Variants in DPP10 observed in about 807,000 individuals in gnomAD.
The protein encoded by DPP10 is inactive dipeptidyl peptidase 10.
Under a neutral mutation model 120.9 loss-of-function variants are expected in DPP10, and 33 were observed. The ratio of observed to expected loss-of-function variants is 0.27; its 90% CI spans 0.21 to 0.37. The LOEUF is 0.37. Among genes scored for constraint, DPP10 ranks in the 10% least tolerant of loss-of-function variants. The pLI is 1.00. For synonymous variants in DPP10, 337 were observed against 326.1 expected (o/e 1.03, Z -0.36); for missense variants, 816 against 942.8 (o/e 0.87, Z 1.76).
intron 1 of DPP10, among the ~76,000 whole-genome samples, chr2:114,986,931 C>T (rs1156585180): frequency 6.6e-6 from 1 of 152,058 alleles, no homozygotes; most frequent in East Asian, 1.9e-4. Context: ...ACCACCATGA[C>T]TGGCTAATTT....
At chr2:114,866,305 T>G (rs550028633) in intron 1 of DPP10, among the ~76,000 whole-genome samples, 1 of 152,144 alleles carries the variant, frequency 6.6e-6, no homozygotes, top group African/African-American at 2.4e-5. Flanking sequence ...TATTGAGATC[T>G]TGAGCTAGGC....
rs1017241336 is a variant in DPP10 at position 115,002,121 on chromosome 2, C to T, written c.61-307118C>T. On this transcript the variant is annotated intron_variant, in intron 1 of 25. Coordinates refer to ENST00000410059, the MANE Select transcript of DPP10 (RefSeq NM_020868.6). Reference sequence around the variant, plus strand: ...GAGCTGGAGGCATCATGTCACCTGACTTCAAACTATACTACAATGGTATAG... The same window carrying T: ...GAGCTGGAGGCATCATGTCACCTGATTTCAAACTATACTACAATGGTATAG... Among the ~76,000 whole-genome samples, 4 of 152,146 alleles carry T rather than the reference C, an allele frequency of 2.6e-5. No individual in the cohort carries two copies. In the East Asian group the frequency reaches 7.7e-4, roughly 29 times the overall value.
At chr2:115,607,120 A>G (rs1437762143) in intron 5 of DPP10, among the ~76,000 whole-genome samples, 2 of 152,226 alleles carry the variant, frequency 1.3e-5, no homozygotes, top group African/African-American at 4.8e-5. Flanking sequence ...AAATGATGTC[A>G]GCCTGCATGA....
At chr2:115,238,020 C>G (rs1200180965) in intron 1 of DPP10, among the ~76,000 whole-genome samples, 1 of 152,166 alleles carries the variant, frequency 6.6e-6, no homozygotes, top group Admixed American at 6.6e-5. Context: ...CACTAGACAA[C>G]AAATTTTCAG....
intron 8 of DPP10, among the ~76,000 whole-genome samples, chr2:115,732,554 A>AC (rs2092936290): frequency 6.6e-6 from 1 of 152,192 alleles, no homozygotes; most frequent in Admixed American, 6.6e-5. Flanking sequence ...TATTCACTTA[A>AC]ATTGCTGTAT....
rs546468604 is a variant in DPP10 at position 115,084,519 on chromosome 2, T to G, written c.61-224720T>G. Among the ~76,000 whole-genome samples, 6 of 152,350 alleles carry G rather than the reference T, an allele frequency of 3.9e-5. No homozygotes were observed. The South Asian group carries it at 1.0e-3, about 26-fold the overall frequency. The stretch of plus-strand genomic sequence containing the variant: ...TTCCAGTTCTGCCTGGTACTATGAT[T>G]GCAGTGCCTAAGCAGCTTGAATTTC... On this transcript the variant is annotated intron_variant, in intron 1 of 25. Transcript: ENST00000410059.
intron 2 of DPP10, among the ~76,000 whole-genome samples, chr2:115,329,384 A>G (rs933339467): frequency 2.0e-5 from 3 of 152,052 alleles, no homozygotes; most frequent in Non-Finnish European, 4.4e-5. Context: ...AGGAGTATGT[A>G]TTATTAGGCT....
intron 5 of DPP10, among the ~76,000 whole-genome samples, chr2:115,548,409 AGGAGGTG>A: frequency 7.1e-6 from 1 of 141,466 alleles, no homozygotes; most frequent in East Asian, 3.3e-4. Context: ...ACATGCATGG[AGGAGGTG>A]ATAGTATTAA....
intron 11 of DPP10, among the ~76,000 whole-genome samples, chr2:115,755,824 T>G (rs2149763799): frequency 6.6e-6 from 1 of 152,106 alleles, no homozygotes; most frequent in African/African-American, 2.4e-5. Context: ...GTGCTCATAA[T>G]AGTAGGGATG....
intron 1 of DPP10, among the ~76,000 whole-genome samples, chr2:114,713,561 G>A (rs1391941102): frequency 6.6e-6 from 1 of 152,142 alleles, no homozygotes; most frequent in Non-Finnish European, 1.5e-5. Flanking sequence ...AATACTTTGA[G>A]CAGTATGTCA....
At chr2:114,581,472 C>T (rs757465905) in intron 1 of DPP10, among the ~76,000 whole-genome samples, 41 of 152,040 alleles carry the variant, frequency 2.7e-4, no homozygotes, top group Non-Finnish European at 5.4e-4. Context: ...CATGAGCCAC[C>T]ACGCCCAGCC....
chr2:115,250,363 A>C (rs2058704317), intron 1 of DPP10, among the ~76,000 whole-genome samples: 1 of 152,228 alleles, frequency 6.6e-6, no homozygotes, highest in South Asian at 2.1e-4. Context: ...CTTTAGTCGC[A>C]GAAGTTAAAA....
intron 1 of DPP10, among the ~76,000 whole-genome samples, chr2:114,958,275 A>G (rs1416997463): frequency 6.6e-6 from 1 of 152,162 alleles, no homozygotes; most frequent in Non-Finnish European, 1.5e-5. Context: ...ATTGGCCAAG[A>G]CGCAGTATTG....
intron 5 of DPP10, among the ~76,000 whole-genome samples, chr2:115,660,655 C>CTTTTTTTTTTTTTT: frequency 1.2e-4 from 3 of 25,322 alleles, no homozygotes; most frequent in East Asian, 2.4e-3. Context: ...CTCTGTCTGG[C>CTTTTTTTTTTTTTT]TTTTTTTTTT....
At chr2:114,790,368 CAT>C (rs1384482873) in intron 1 of DPP10, among the ~76,000 whole-genome samples, 1 of 152,134 alleles carries the variant, frequency 6.6e-6, no homozygotes, top group Non-Finnish European at 1.5e-5. Flanking sequence ...TTTACTGTAA[CAT>C]ATATTTATCA....
chr2:115,202,452 T>C (rs1670283232), intron 1 of DPP10, among the ~76,000 whole-genome samples: 1 of 152,210 alleles, frequency 6.6e-6, no homozygotes, highest in African/African-American at 2.4e-5. Flanking sequence ...CTAATTCAGC[T>C]TCTTATTGAG....
intron 1 of DPP10, among the ~76,000 whole-genome samples, chr2:115,242,191 A>G (rs993907664): frequency 2.0e-5 from 3 of 152,094 alleles, no homozygotes; most frequent in Admixed American, 6.6e-5. Flanking sequence ...AGTCCATTGT[A>G]TCATTCTTAT....
intron 1 of DPP10, among the ~76,000 whole-genome samples, chr2:114,751,884 T>C (rs1357624689): frequency 6.6e-6 from 1 of 152,236 alleles, no homozygotes; most frequent in Admixed American, 6.5e-5. Flanking sequence ...TTTAATGTGC[T>C]TACCAGTCGC....
chr2:114,923,619 C>T (rs1397186465), intron 1 of DPP10, among the ~76,000 whole-genome samples: 2 of 151,548 alleles, frequency 1.3e-5, no homozygotes, highest in East Asian at 2.0e-4. Flanking sequence ...GCTAGGACTA[C>T]AGGCGCCCGC....
Sources: gnomAD v4.1 joint callset for allele counts (sites outside exome capture counted in the v4.1 genomes callset) on GRCh38, gnomAD v4.1.1 for gene constraint, MANE v1.5 for transcripts, NCBI Gene and HGNC (gene_info 2026-07-23, HGNC 2026-07-21) for gene names.